The following LRATD1 variants were observed in gnomAD, a reference collection of about 807,000 sequenced individuals.
LRATD1 encodes LRAT domain containing 1.
A neutral mutation model predicts 21.3 loss-of-function variants in LRATD1; 8 were observed. That is an observed-to-expected ratio of 0.38 (90% CI 0.22 to 0.68). The LOEUF is 0.68. LRATD1 is among the 30% of genes least tolerant of loss of function. The pLI, the probability that LRATD1 is intolerant of heterozygous loss-of-function variation, is 0.54. For synonymous variants in LRATD1, 210 were observed against 186.2 expected (o/e 1.13, Z -1.04); for missense variants, 380 against 404.0 (o/e 0.94, Z 0.51).
At chr2:14,640,392 T>C (rs1671788610), downstream of LRATD1, among the ~76,000 whole-genome samples, 1 of 152,240 alleles carries the variant, frequency 6.6e-6, no homozygotes, top group Middle Eastern at 3.2e-3. Flanking sequence ...ACATGAGTTC[T>C]GAACTTTATT....
At chr2:14,642,648 G>A (rs1671826057), downstream of LRATD1, among the ~76,000 whole-genome samples, 1 of 151,478 alleles carries the variant, frequency 6.6e-6, no homozygotes, top group South Asian at 2.1e-4. Context: ...AGCATGTATG[G>A]GGTCGGGGGG....
At position 14,634,340 on chromosome 2, in the gene LRATD1, G is replaced by GA; in HGVS notation, c.363dup (p.Pro122ThrfsTer47). On this transcript the variant is annotated frameshift_variant, in exon 2 of 2. Transcript: ENST00000295092. LOFTEE classifies it high-confidence loss of function. ...GGTCACCGCGCTGCCAGCGCTCTGC[G>GA]AACCCGGCGACCTGCTGGAGCTGCT... 6.3e-7 allele frequency: 1 copy of GA among 1,586,158 alleles called. No individual in the cohort carries two copies. The highest frequency in any genetic ancestry group is 8.5e-7 in the Non-Finnish European group (1 of 1,169,678).
chr2:14,648,634 G>A (rs577614195), intron 4 of LRATD1, among the ~76,000 whole-genome samples: 107 of 152,282 alleles, frequency 7.0e-4, no homozygotes, highest in African/African-American at 2.5e-3. Context: ...ATAAGAATTA[G>A]AGGAGAAAAG....
downstream of LRATD1, chr2:14,650,911 A>T (rs558526978): frequency 3.3e-5 from 5 of 152,318 alleles, no homozygotes; most frequent in Admixed American, 6.5e-5. Context: ...ATACACACAT[A>T]CACATTTATG....
chr2:14,645,868 A>G (rs574456147), intron 2 of LRATD1, among the ~76,000 whole-genome samples: 1 of 152,188 alleles, frequency 6.6e-6, no homozygotes, highest in Non-Finnish European at 1.5e-5. Context: ...TATAGCTTAC[A>G]TAGTCAATTG....
At chr2:14,647,606 C>T (rs1313856583) in intron 4 of LRATD1, among the ~76,000 whole-genome samples, 2 of 151,918 alleles carry the variant, frequency 1.3e-5, no homozygotes, top group East Asian at 3.9e-4. Context: ...GGAATAGTAC[C>T]CCTATAAAAA....
chr2:14,641,588 A>C (rs1046092020), downstream of LRATD1, among the ~76,000 whole-genome samples: 1 of 152,082 alleles, frequency 6.6e-6, no homozygotes, highest in Non-Finnish European at 1.5e-5. Flanking sequence ...GCCTATAGTG[A>C]TGTATCTAAC....
chr2:14,648,332 T>C (rs1671930995), intron 4 of LRATD1, among the ~76,000 whole-genome samples: 1 of 152,172 alleles, frequency 6.6e-6, no homozygotes, highest in East Asian at 1.9e-4. Context: ...CTATGGAAAT[T>C]ATATTTGTCA....
downstream of LRATD1, among the ~76,000 whole-genome samples, chr2:14,642,660 G>C (rs1389311113): frequency 6.6e-6 from 1 of 151,170 alleles, no homozygotes; most frequent in Admixed American, 6.6e-5. Flanking sequence ...GTCGGGGGGT[G>C]GGGGCAGAAA....
chr2:14,647,317 C>T (rs1334115753), intron 4 of LRATD1, among the ~76,000 whole-genome samples: 4 of 152,058 alleles, frequency 2.6e-5, no homozygotes, highest in Non-Finnish European at 1.5e-5. Flanking sequence ...TCTTCTCTTA[C>T]TTATTTTTTA....
In LRATD1 at chr2:14,637,676, G is replaced by A. The variant is rs564718738; in HGVS notation, c.*2818G>A. 6 of 167,156 alleles carry A rather than the reference G, an allele frequency of 3.6e-5. No individual in the cohort carries two copies. In the East Asian group the frequency reaches 1.2e-3, roughly 32 times the overall value. 10.4% of individuals were successfully genotyped at this position (167,156 alleles called of 1,614,324 possible). On this transcript the variant is annotated 3_prime_UTR_variant, in exon 2 of 2. Transcript: ENST00000295092. Reference sequence around the variant, plus strand: ...TGATAGTTCATCATGCAGAGGATATGATCAAGATATTACCTAATGGTTTTA... The same window carrying A: ...TGATAGTTCATCATGCAGAGGATATAATCAAGATATTACCTAATGGTTTTA...
chr2:14,642,568 G>A (rs1021464342), downstream of LRATD1, among the ~76,000 whole-genome samples: 6 of 135,114 alleles, frequency 4.4e-5, no homozygotes, highest in African/African-American at 1.7e-4. Context: ...GAAAACCTAA[G>A]TATTGTTTAC....
In LRATD1 at chr2:14,636,306, C is replaced by T. The variant is rs1671687631; in HGVS notation, c.*1448C>T. The T allele has an allele frequency of 6.0e-6, 1 of 167,020 alleles. No homozygotes were observed. Among genetic ancestry groups the T allele is most frequent in the Non-Finnish European group, 1.5e-5 (1 of 68,192 alleles). The allele number at this position is 167,020 out of a possible 1,614,324, so 10.3% of individuals were successfully genotyped here. ...TGGTGGAAATTGCTAGCAGGTTCCA[C>T]GATGTTTATTTTTTTCTCCATGTTG... On this transcript the variant is annotated 3_prime_UTR_variant, in exon 2 of 2. Coordinates refer to ENST00000295092, the MANE Select transcript of LRATD1 (RefSeq NM_145175.4).
At position 14,636,671 on chromosome 2, in the gene LRATD1, T is replaced by C. The variant is rs1671693712; in HGVS notation, c.*1813T>C. 1 of 167,156 alleles carries C rather than the reference T, an allele frequency of 6.0e-6. No homozygotes were observed. Among genetic ancestry groups the C allele is most frequent in the Non-Finnish European group, 1.5e-5 (1 of 68,130 alleles). The allele number at this position is 167,156 out of a possible 1,614,324, so 10.4% of individuals were successfully genotyped here. A position where few individuals can be genotyped will look rare whatever the true frequency, so the allele number is the denominator to read the frequency against. ...TCTTTCAAGGGAATTTGTCAAATAA[T>C]GCTGTTTAGCTAATTGTTGCAAGCA... On this transcript the variant is annotated 3_prime_UTR_variant, in exon 2 of 2. Transcript: ENST00000295092.
chr2:14,644,741 T>C (rs1339231632), downstream of LRATD1, among the ~76,000 whole-genome samples: 1 of 151,978 alleles, frequency 6.6e-6, no homozygotes, highest in African/African-American at 2.4e-5. Context: ...CCTGAGAGGA[T>C]AGTCTCACCC....
chr2:14,640,750 C>A (rs1671793652), downstream of LRATD1, among the ~76,000 whole-genome samples: 1 of 152,198 alleles, frequency 6.6e-6, no homozygotes, highest in African/African-American at 2.4e-5. Context: ...ATTTCAGATT[C>A]TGCAAGGGGG....
Position 14,634,399 on chromosome 2 carries a change from C to T in LRATD1, c.420C>T (p.Pro140=). ...WLQPAPEPPA[P]APHWAVYVGG... ...AGCCCGCGCCGGAGCCGCCCGCGCC[C>T]GCCCCGCACTGGGCCGTCTACGTGG... Residue 140 remains proline, a synonymous_variant, in exon 2 of 2, where the codon CCC becomes CCT. Transcript: ENST00000295092. The T allele has an allele frequency of 1.3e-6, 2 of 1,539,292 alleles. No individual in the cohort carries two copies. The highest frequency in any genetic ancestry group is 1.4e-5 in the African/African-American group (1 of 73,288).
In LRATD1 at chr2:14,633,914, C is replaced by T. The variant is rs1671611065; in HGVS notation, c.-36-30C>T. ...CCGAAAGGGGCAGCCCGGACTCTGA[C>T]GGTGTCTCTGCCTCTCTGTGCCTCC... is the stretch of plus-strand genomic sequence containing the variant. On this transcript the variant is annotated intron_variant, in intron 1 of 1. Coordinates refer to ENST00000295092, the MANE Select transcript of LRATD1 (RefSeq NM_145175.4). The surrounding 1 kb of genome is among the most constrained non-coding windows in gnomAD (Gnocchi z 7.5). 6.5e-6 allele frequency: 10 copies of T among 1,542,032 alleles called. No individual in the cohort carries two copies. In the South Asian group the frequency reaches 1.1e-4, roughly 17 times the overall value.
chr2:14,634,120 C>A lies in LRATD1; in HGVS notation c.141C>A (p.Arg47=), dbSNP rs1212685796. Residue 47 remains arginine (R), a synonymous_variant, in exon 2 of 2, where the codon CGC becomes CGA. Transcript: ENST00000295092. Reference sequence around the variant, plus strand: ...ATGATGAGGAAGACCTGGACGAACGCGGGCAGCCCGACAAGTTTGGCGTGA... The same window carrying A: ...ATGATGAGGAAGACCTGGACGAACGAGGGCAGCCCGACAAGTTTGGCGTGA... ...FSDDEEDLDE[R]GQPDKFGVKA... The A allele has an allele frequency of 6.2e-7, 1 of 1,614,128 alleles. No individual in the cohort carries two copies. The highest frequency in any genetic ancestry group is 1.3e-5 in the African/African-American group (1 of 75,060).
Sources: gnomAD v4.1 joint callset for allele counts (sites outside exome capture counted in the v4.1 genomes callset) on GRCh38, gnomAD v4.1.1 for gene constraint, Gnocchi (gnomAD v3.1) non-coding constraint, MANE v1.5 for transcripts, NCBI Gene and HGNC (gene_info 2026-07-23, HGNC 2026-07-21) for gene names.